The following PADI1 variants were observed in gnomAD, a reference collection of about 807,000 sequenced individuals.
The protein encoded by PADI1 is peptidyl arginine deiminase 1.
A neutral mutation model predicts 74.8 loss-of-function variants in PADI1; 65 were observed. That is an observed-to-expected ratio of 0.87 (90% CI 0.71 to 1.07). PADI1 has a LOEUF of 1.07. Among genes scored for constraint, PADI1 ranks in the 50% least tolerant of loss-of-function variants. PADI1 has a pLI of 0.00. For synonymous variants in PADI1, 371 were observed against 336.2 expected (o/e 1.10, Z -1.13); for missense variants, 943 against 854.0 (o/e 1.10, Z -1.30).
chr1:17,221,483 A>T (rs2072147844), intron 1 of PADI1, among the ~76,000 whole-genome samples: 2 of 151,738 alleles, frequency 1.3e-5, no homozygotes, highest in South Asian at 4.2e-4. Context: ...AAAAAAAAAA[A>T]AAAGAATCAG....
At position 17,240,776 on chromosome 1, in the gene PADI1, C is replaced by G. The variant is rs2072759591; in HGVS notation, c.1758+16C>G. On this transcript the variant is annotated intron_variant, in intron 15 of 15. Transcript: ENST00000375471. The stretch of plus-strand genomic sequence containing the variant: ...CCCAGACATGGTGAGAGCCCTTGTG[C>G]AGGGTCCTGCTGGGGGGTCTGCGGG... 1 of 1,611,894 alleles carries G rather than the reference C, an allele frequency of 6.2e-7. No homozygotes were observed. Among genetic ancestry groups the G allele is most frequent in the African/African-American group, 1.3e-5 (1 of 74,904 alleles).
At chr1:17,230,247 C>A in intron 9 of PADI1, 39 bp downstream of exon 9, 1 of 1,598,416 alleles carries the variant, frequency 6.3e-7, no homozygotes, top group South Asian at 1.1e-5. Context: ...TGCAGCCTGG[C>A]TTGGGGAAAG....
intron 13 of PADI1, among the ~76,000 whole-genome samples, chr1:17,239,073 C>T (rs1431162204): frequency 6.6e-6 from 1 of 152,228 alleles, no homozygotes; most frequent in East Asian, 1.9e-4. Context: ...GGGCTGGGGC[C>T]TTGAGAGAGG....
intron 6 of PADI1, 65 bp from the exon 7 acceptor site, chr1:17,228,560 G>T: frequency 6.4e-7 from 1 of 1,570,202 alleles, no homozygotes; most frequent in Middle Eastern, 2.0e-4. Flanking sequence ...CTCTGTCCTG[G>T]ATTCCTGGGC....
rs183009025 is a variant in PADI1 at position 17,227,563 on chromosome 1, A to T, written c.653-1062A>T. On this transcript the variant is annotated intron_variant, in intron 6 of 15. Transcript: ENST00000375471. ...TAAATAAATAAATAAATAAATAAAT[A>T]AATAAATAAATAAATAAATTACCAC... Among the ~76,000 whole-genome samples the T allele has an allele frequency of 8.4e-3, 1,215 of 144,704 alleles. 4 individuals carry two copies. Among genetic ancestry groups the T allele is most frequent in the Non-Finnish European group, 0.012 (784 of 63,758 alleles). 94.9% of individuals were successfully genotyped at this position (144,704 alleles called of 152,430 possible).
At chr1:17,232,752 A>G in intron 10 of PADI1, 67 bp from the exon 11 acceptor site, 1 of 1,449,506 alleles carries the variant, frequency 6.9e-7, no homozygotes, top group Admixed American at 2.2e-5. Flanking sequence ...CTACTCCAAG[A>G]ACTGCCTCGT....
intron 1 of PADI1, among the ~76,000 whole-genome samples, chr1:17,212,651 GC>G (rs1244633890): frequency 1.3e-5 from 2 of 152,194 alleles, no homozygotes; most frequent in African/African-American, 4.8e-5. Flanking sequence ...AAAAGGAAAA[GC>G]TTTCTAATTA....
At chr1:17,221,102 T>G (rs113075190) in intron 1 of PADI1, among the ~76,000 whole-genome samples, 2,462 of 152,256 alleles carry the variant, frequency 0.016, 59 homozygotes, top group African/African-American at 0.055. Context: ...ATGCGGTGTA[T>G]TGGGTGATGG....
intron 11 of PADI1, among the ~76,000 whole-genome samples, chr1:17,236,248 T>C (rs1209807126): frequency 6.6e-6 from 1 of 152,216 alleles, no homozygotes; most frequent in East Asian, 1.9e-4. Context: ...TGTATGAATA[T>C]AGTATGAATG....
At chr1:17,223,757 T>C in intron 3 of PADI1, 64 bp downstream of exon 3, 1 of 1,333,030 alleles carries the variant, frequency 7.5e-7, no homozygotes, top group Non-Finnish European at 1.1e-6. Context: ...TGTTTGAGGG[T>C]CTTAGTGGAT....
At chr1:17,210,769 C>T (rs1289498462) in intron 1 of PADI1, among the ~76,000 whole-genome samples, 1 of 152,196 alleles carries the variant, frequency 6.6e-6, no homozygotes, top group Non-Finnish European at 1.5e-5. Flanking sequence ...GCAGCCCCAG[C>T]CAGCCCCGGG....
chr1:17,227,436 T>C (rs868062975), intron 6 of PADI1, among the ~76,000 whole-genome samples: 192 of 148,764 alleles, frequency 1.3e-3, no homozygotes, highest in African/African-American at 4.5e-3. Flanking sequence ...AAGGCTGAAG[T>C]GGGAGGATCA....
chr1:17,210,909 C>T (rs757479822), intron 1 of PADI1, among the ~76,000 whole-genome samples: 5 of 152,210 alleles, frequency 3.3e-5, no homozygotes, highest in East Asian at 1.9e-4. Context: ...TCCCCAGGGC[C>T]GTCTGCTCCC....
intron 13 of PADI1, among the ~76,000 whole-genome samples, chr1:17,239,239 A>T (rs978090411): frequency 3.9e-5 from 6 of 152,174 alleles, no homozygotes; most frequent in African/African-American, 1.4e-4. Context: ...ATTGGAATGG[A>T]TGTGGTGCAG....
At position 17,208,558 on chromosome 1, in the gene PADI1, A is replaced by AT. The variant is rs1432171046; in HGVS notation, c.92+3249_92+3250insT. On this transcript the variant is annotated intron_variant, in intron 1 of 15. Coordinates refer to ENST00000375471, the MANE Select transcript of PADI1 (RefSeq NM_013358.3). ...AGTAGGCTAGCCCACCACCCTGTCC[A>AT]CCCCCGACTCCAGTGGGCTAGCTCA... 1.5e-3 allele frequency among the ~76,000 whole-genome samples: 78 copies of AT among 51,544 alleles called. 2 individuals are homozygous for AT. Among genetic ancestry groups the AT allele is most frequent in the African/African-American group, 5.7e-3 (76 of 13,346 alleles). 33.8% of individuals were successfully genotyped at this position (51,544 alleles called of 152,430 possible). A position where few individuals can be genotyped will look rare whatever the true frequency, so the allele number is the denominator to read the frequency against.
At chr1:17,241,303 G>C (rs918820437) in intron 15 of PADI1, among the ~76,000 whole-genome samples, 4 of 152,234 alleles carry the variant, frequency 2.6e-5, no homozygotes, top group East Asian at 1.9e-4. Flanking sequence ...CGATGCTATC[G>C]GGGTGGGCCT....
chr1:17,239,693 T>C lies in PADI1; in HGVS notation c.1553-11T>C. 6.2e-7 allele frequency: 1 copy of C among 1,610,212 alleles called. No homozygotes were observed. Among genetic ancestry groups the C allele is most frequent in the Non-Finnish European group, 8.5e-7 (1 of 1,176,418 alleles). ...CTCCCTGAGCTATGTACTGTCTTTCTCTTCTTGCAGGGTTAAAACACCAGG... is the reference window on the plus strand; with the variant it reads ...CTCCCTGAGCTATGTACTGTCTTTCCCTTCTTGCAGGGTTAAAACACCAGG... On this transcript the variant is annotated splice_polypyrimidine_tract_variant and intron_variant, in intron 13 of 15. Coordinates refer to ENST00000375471, the MANE Select transcript of PADI1 (RefSeq NM_013358.3).
intron 1 of PADI1, among the ~76,000 whole-genome samples, chr1:17,206,683 CTTTTTTTTT>C (rs796276122): frequency 0.025 from 2,696 of 109,784 alleles, 131 homozygotes; most frequent in East Asian, 0.21. Flanking sequence ...TTTTCTTTTT[CTTTTTTTTT>C]TTTTTTTTTT....
intron 12 of PADI1, among the ~76,000 whole-genome samples, chr1:17,238,195 C>T (rs2072692395): frequency 6.6e-6 from 1 of 152,204 alleles, no homozygotes; most frequent in African/African-American, 2.4e-5. Context: ...ATTACACCAC[C>T]ATGCCCAGCT....
Sources: allele counts gnomAD v4.1 joint callset (sites outside exome capture counted in the v4.1 genomes callset), GRCh38; gene constraint gnomAD v4.1.1; transcripts MANE v1.5; gene names NCBI Gene and HGNC (gene_info 2026-07-23, HGNC 2026-07-21).